Variants in ACP3 observed in about 807,000 individuals in gnomAD.
The protein encoded by ACP3 is prostatic acid phosphatase.
In ACP3, 38 loss-of-function variants were observed where a neutral mutation model predicts 45.6. The ratio of observed to expected loss-of-function variants is 0.83; its 90% CI spans 0.64 to 1.09. ACP3 has a LOEUF of 1.09. ACP3 is among the 50% of genes least tolerant of loss of function. ACP3 has a pLI of 0.00. For synonymous variants in ACP3, 162 were observed against 164.7 expected, an observed-to-expected ratio of 0.98 and a Z score of 0.13; for missense variants, 466 against 463.2, an observed-to-expected ratio of 1.01 and a Z score of -0.05.
Position 132,358,234 on chromosome 3 carries a change from A to C in ACP3, c.*1356A>C. The C allele has an allele frequency of 9.9e-6, 11 of 1,115,430 alleles. No individual in the cohort carries two copies. Among genetic ancestry groups the C allele is most frequent in the Non-Finnish European group, 1.2e-5 (11 of 900,936 alleles). 69.1% of individuals were successfully genotyped at this position (1,115,430 alleles called of 1,614,324 possible). A position where few individuals can be genotyped will look rare whatever the true frequency, so the allele number is the denominator to read the frequency against. On this transcript the variant is annotated 3_prime_UTR_variant, in exon 10 of 10. Transcript: ENST00000336375. ...TAGTGAGACACTGTCTCTACCAAAA[A>C]AAGGAAGGAAGGGACACATATCAAA...
downstream of ACP3, among the ~76,000 whole-genome samples, chr3:132,363,740 C>G (rs762735187): frequency 1.3e-5 from 2 of 151,096 alleles, no homozygotes; most frequent in African/African-American, 2.4e-5. Flanking sequence ...GAGTTCGAGA[C>G]CAGCCTGACC....
chr3:132,365,171 A>T (rs1287579228), intron 10 of ACP3, among the ~76,000 whole-genome samples: 1 of 152,244 alleles, frequency 6.6e-6, no homozygotes, highest in Non-Finnish European at 1.5e-5. Flanking sequence ...TGCTTGAGAT[A>T]CATTCATGAA....
rs377521478 is a variant in ACP3, at chr3:132,353,918, C to G, written c.968+1095C>G. Among the ~76,000 whole-genome samples, 6 of 152,210 alleles carry G rather than the reference C, an allele frequency of 3.9e-5. No homozygotes were observed. The East Asian group carries it at 1.2e-3, about 29-fold the overall frequency. On this transcript the variant is annotated intron_variant, in intron 9 of 9. Transcript: ENST00000336375. ...ACTGCTTACAAAGAAGTGAGTTCTG[C>G]ACAGTTAGGGACAGGTAGATACATT... is the stretch of plus-strand genomic sequence containing the variant.
chr3:132,333,809 G>A (rs1427332792), intron 4 of ACP3, among the ~76,000 whole-genome samples: 1 of 152,208 alleles, frequency 6.6e-6, no homozygotes, highest in African/African-American at 2.4e-5. Flanking sequence ...GGTGGCTCAT[G>A]CCTGTAATCC....
At chr3:132,367,501 A>C (rs749508397) in intron 10 of ACP3, among the ~76,000 whole-genome samples, 2 of 152,192 alleles carry the variant, frequency 1.3e-5, no homozygotes, top group African/African-American at 2.4e-5. Context: ...CAAGGGTCAA[A>C]GTTTATGCTG....
rs1484513730 is a variant in ACP3 at position 132,356,887 on chromosome 3, G to A, written c.*9G>A. On this transcript the variant is annotated 3_prime_UTR_variant, in exon 10 of 10. Transcript: ENST00000336375. ...AAGACAGTACAGATTAGTGTGCACA[G>A]AGATCTCTGTAGAAGGAGTAGCTGC... 1.2e-6 allele frequency: 2 copies of A among 1,605,098 alleles called. No individual in the cohort carries two copies. The highest frequency in any genetic ancestry group is 1.7e-6 in the Non-Finnish European group (2 of 1,173,806).
rs199962742 is a variant in ACP3 at position 132,331,673 on chromosome 3, T to G, written c.243T>G (p.Leu81=). The change falls in exon 3 of 10, where the codon CTT becomes CTG. Residue 81 remains leucine (L), a synonymous_variant. Transcript: ENST00000336375. ...TGGGCATGGAGCAGCATTATGAACT[T>G]GGAGAGTATATAAGAAAGAGATATA... ...TQLGMEQHYE[L]GEYIRKRYRK... is the part of the protein sequence containing the mutation. The G allele has an allele frequency of 6.2e-7, 1 of 1,605,816 alleles. No homozygotes were observed. Among genetic ancestry groups the G allele is most frequent in the East Asian group, 2.2e-5 (1 of 44,650 alleles).
rs115612387 is a variant in ACP3, at chr3:132,367,139, G to A, written c.1139-565G>A. Among the ~76,000 whole-genome samples, 588 of 152,256 alleles carry A rather than the reference G, an allele frequency of 3.9e-3. 4 individuals carry two copies. Among genetic ancestry groups the A allele is most frequent in the African/African-American group, 0.013 (560 of 41,536 alleles). ...AAATAATGAATTAGCATCTCATTAC[G>A]AAATGGCCCCAAATATCTGCTTTTA... On this transcript the variant is annotated intron_variant, in intron 10 of 10. Transcript: ENST00000351273.
chr3:132,362,153 C>A (rs1306074882), downstream of ACP3, among the ~76,000 whole-genome samples: 1 of 152,030 alleles, frequency 6.6e-6, no homozygotes, highest in African/African-American at 2.4e-5. Flanking sequence ...TGAAAGCCAT[C>A]AGTGTCTAAT....
chr3:132,342,500 C>G (rs1937563196), intron 5 of ACP3, 52 bp from the exon 6 acceptor site: 1 of 1,270,866 alleles, frequency 7.9e-7, no homozygotes, highest in African/African-American at 1.5e-5. Flanking sequence ...ATCAATAATG[C>G]TGAAGCTGAG....
At chr3:132,321,934 G>A (rs1031700342) in intron 1 of ACP3, among the ~76,000 whole-genome samples, 1 of 152,114 alleles carries the variant, frequency 6.6e-6, no homozygotes, top group South Asian at 2.1e-4. Flanking sequence ...AATGCATCCG[G>A]TGTGCTCGGT....
At chr3:132,330,117 GC>G (rs750736171) in intron 2 of ACP3, among the ~76,000 whole-genome samples, 4 of 151,600 alleles carry the variant, frequency 2.6e-5, no homozygotes, top group Non-Finnish European at 5.9e-5. Context: ...ATGGGGTTTC[GC>G]CATGTTGCCA....
chr3:132,330,167 GC>G (rs753887023), intron 2 of ACP3, among the ~76,000 whole-genome samples: 4 of 151,918 alleles, frequency 2.6e-5, no homozygotes, highest in Non-Finnish European at 4.4e-5. Context: ...CAATCCACCC[GC>G]CTTGGCCTCC....
chr3:132,356,752 T>C lies in ACP3; in HGVS notation c.1035T>C (p.Pro345=). The stretch of plus-strand genomic sequence containing the variant: ...ACGAGCCGTATCCCCTCATGCTACC[T>C]GGCTGCAGCCCCAGCTGTCCTCTGG... ...TQHEPYPLML[P]GCSPSCPLER... Residue 345 remains proline (P), a synonymous_variant, in exon 10 of 10, where the codon CCT becomes CCC. Transcript: ENST00000336375. 6.2e-7 allele frequency: 1 copy of C among 1,614,162 alleles called. No individual in the cohort carries two copies. The highest frequency in any genetic ancestry group is 8.5e-7 in the Non-Finnish European group (1 of 1,180,028).
intron 9 of ACP3, among the ~76,000 whole-genome samples, chr3:132,356,329 G>A (rs891094839): frequency 2.7e-5 from 4 of 150,566 alleles, no homozygotes; most frequent in African/African-American, 9.7e-5. Flanking sequence ...AAAAAGAAGG[G>A]AGGAGGAGAA....
chr3:132,323,010 A>G (rs1043862056), intron 1 of ACP3, among the ~76,000 whole-genome samples: 1 of 152,210 alleles, frequency 6.6e-6, no homozygotes, highest in Non-Finnish European at 1.5e-5. Context: ...CCTCACCAGA[A>G]GCTGACTAGA....
intron 5 of ACP3, among the ~76,000 whole-genome samples, chr3:132,337,860 T>C (rs923830252): frequency 6.6e-6 from 1 of 152,126 alleles, no homozygotes; most frequent in African/African-American, 2.4e-5. Context: ...TAAAATCACC[T>C]GCCTTATTCA....
At chr3:132,332,787 G>T (rs1324613921) in intron 4 of ACP3, among the ~76,000 whole-genome samples, 1 of 152,184 alleles carries the variant, frequency 6.6e-6, no homozygotes, top group East Asian at 1.9e-4. Context: ...GAGAAAAAAA[G>T]ATTTGAGTGC....
At chr3:132,332,042 C>T in intron 3 of ACP3, 150 bp from the exon 4 acceptor site, 1 of 966,212 alleles carries the variant, frequency 1.0e-6, no homozygotes, top group Non-Finnish European at 1.5e-6. Context: ...TTGCTCATTC[C>T]TTAACAAGTA....
Sources: allele counts gnomAD v4.1 joint callset (sites outside exome capture counted in the v4.1 genomes callset), GRCh38; gene constraint gnomAD v4.1.1; transcripts MANE v1.5; gene names NCBI Gene and HGNC (gene_info 2026-07-23, HGNC 2026-07-21).